LPP: variants seen among roughly 807,000 people sequenced by gnomAD.
The protein encoded by LPP is lipoma-preferred partner.
A neutral mutation model predicts 60.4 loss-of-function variants in LPP; 38 were observed. The observed-to-expected ratio is 0.63, with a 90% CI of 0.49 to 0.83. The LOEUF (loss-of-function observed/expected upper bound fraction) is 0.83. LPP is among the 40% of genes least tolerant of loss of function. LPP has a pLI of 0.00. For synonymous variants in LPP, 328 were observed against 290.8 expected (o/e 1.13, Z -1.30); for missense variants, 902 against 783.6 (o/e 1.15, Z -1.80).
chr3:188,526,623 T>C (rs1324782763), intron 6 of LPP, among the ~76,000 whole-genome samples: 1 of 152,202 alleles, frequency 6.6e-6, no homozygotes, highest in East Asian at 1.9e-4. Flanking sequence ...CCTGTACCTT[T>C]TCTTAACATA....
At chr3:188,702,803 C>T (rs188961214) in intron 7 of LPP, among the ~76,000 whole-genome samples, 28 of 152,278 alleles carry the variant, frequency 1.8e-4, no homozygotes, top group Non-Finnish European at 3.4e-4. Flanking sequence ...AGCAAACCTC[C>T]ACTCTGATAA....
chr3:188,723,956 A>T (rs559624015), intron 8 of LPP, among the ~76,000 whole-genome samples: 44 of 152,272 alleles, frequency 2.9e-4, no homozygotes, highest in South Asian at 8.3e-4. Flanking sequence ...TGAGAAGAGG[A>T]GATAGAGCTG....
At chr3:188,375,079 C>A (rs957614374) in intron 3 of LPP, among the ~76,000 whole-genome samples, 8 of 152,126 alleles carry the variant, frequency 5.3e-5, no homozygotes, top group Non-Finnish European at 1.2e-4. Flanking sequence ...GGTGGATAAG[C>A]TTCTTGACGT....
intron 9 of LPP, among the ~76,000 whole-genome samples, chr3:188,857,070 A>T (rs956274467): frequency 6.6e-6 from 1 of 152,192 alleles, no homozygotes; most frequent in African/African-American, 2.4e-5. Flanking sequence ...AGCACTGCAT[A>T]GAAACCATGC....
At chr3:188,558,705 T>C (rs1243344850) in intron 6 of LPP, among the ~76,000 whole-genome samples, 1 of 152,084 alleles carries the variant, frequency 6.6e-6, no homozygotes, top group African/African-American at 2.4e-5. Context: ...AGCATTACCA[T>C]GACTGACAGA....
chr3:188,328,661 G>T (rs1189023639), intron 2 of LPP, among the ~76,000 whole-genome samples: 1 of 152,168 alleles, frequency 6.6e-6, no homozygotes, highest in African/African-American at 2.4e-5. Context: ...TTGGTTAGCA[G>T]CTGTCAATTT....
intron 2 of LPP, among the ~76,000 whole-genome samples, chr3:188,321,868 G>C (rs1757056446): frequency 6.6e-6 from 1 of 152,204 alleles, no homozygotes; most frequent in Non-Finnish European, 1.5e-5. Context: ...ATGGTTGGAA[G>C]AGTGAAATAC....
intron 5 of LPP, among the ~76,000 whole-genome samples, chr3:188,496,931 T>G (rs1192820462): frequency 6.6e-6 from 1 of 152,096 alleles, no homozygotes. Flanking sequence ...TGAAATTTAG[T>G]AAAGATGTCA....
At chr3:188,856,938 A>G (rs1213177513) in intron 9 of LPP, among the ~76,000 whole-genome samples, 1 of 152,118 alleles carries the variant, frequency 6.6e-6, no homozygotes, top group Non-Finnish European at 1.5e-5. Flanking sequence ...CAGCTTAACA[A>G]TTTTTCATTG....
At position 188,572,290 on chromosome 3, in the gene LPP, C is replaced by T. The variant is rs921900006; in HGVS notation, c.430-36871C>T. Among the ~76,000 whole-genome samples, 3 of 151,772 alleles carry T rather than the reference C, an allele frequency of 2.0e-5. No homozygotes were observed. Among genetic ancestry groups the T allele is most frequent in the African/African-American group, 7.3e-5 (3 of 41,328 alleles). ...GTAATATATATTCTAACGACAAAGC[C>T]CTATGTTATAATTTAAATGGTAGTA... On this transcript the variant is annotated intron_variant, in intron 6 of 11. Coordinates refer to ENST00000617246, the MANE Select transcript of LPP (RefSeq NM_001375462.1). The surrounding 1 kb of genome is among the most constrained non-coding windows in gnomAD (Gnocchi z 4.1).
intron 2 of LPP, among the ~76,000 whole-genome samples, chr3:188,274,458 G>C (rs903628902): frequency 2.0e-5 from 3 of 152,136 alleles, no homozygotes; most frequent in African/African-American, 4.8e-5. Flanking sequence ...CCCAGTGCCA[G>C]GTAGCTCTGG....
At chr3:188,808,642 C>T (rs1029393448) in intron 9 of LPP, among the ~76,000 whole-genome samples, 1 of 152,106 alleles carries the variant, frequency 6.6e-6, no homozygotes, top group Non-Finnish European at 1.5e-5. Flanking sequence ...ACAACAGATA[C>T]TTTATCAGTA....
chr3:188,314,805 G>C (rs1578047923), intron 2 of LPP, among the ~76,000 whole-genome samples: 1 of 152,152 alleles, frequency 6.6e-6, no homozygotes, highest in East Asian at 1.9e-4. Context: ...GCGACAGAGA[G>C]AGACTCCATC....
At chr3:188,510,727 T>G (rs555001189) in intron 5 of LPP, among the ~76,000 whole-genome samples, 1 of 152,334 alleles carries the variant, frequency 6.6e-6, no homozygotes, top group East Asian at 1.9e-4. Context: ...TAAAGAACAC[T>G]CGTGTTTGCC....
At chr3:188,444,800 C>A (rs1338976786) in intron 4 of LPP, among the ~76,000 whole-genome samples, 4 of 152,068 alleles carry the variant, frequency 2.6e-5, no homozygotes, top group Non-Finnish European at 5.9e-5. Context: ...AAAAAACAAA[C>A]AACTCCATCA....
chr3:188,353,693 C>T (rs1766637275), intron 3 of LPP, among the ~76,000 whole-genome samples: 1 of 152,148 alleles, frequency 6.6e-6, no homozygotes, highest in Non-Finnish European at 1.5e-5. Context: ...TAATCTGCCT[C>T]CTTATGAGTT....
intron 2 of LPP, among the ~76,000 whole-genome samples, chr3:188,311,791 G>A (rs1753545403): frequency 6.6e-6 from 1 of 151,844 alleles, no homozygotes; most frequent in Admixed American, 6.6e-5. Context: ...GGCACCCGCT[G>A]CTATGCCCGG....
chr3:188,306,142 G>A lies in LPP; in HGVS notation c.-66-35521G>A, dbSNP rs572112807. 3.3e-5 allele frequency among the ~76,000 whole-genome samples: 5 copies of A among 152,136 alleles called. No individual in the cohort carries two copies. The Middle Eastern group carries it at 0.01, about 310-fold the overall frequency. On this transcript the variant is annotated intron_variant, in intron 2 of 11. Transcript: ENST00000617246. ...TTCACCTAGGTTGGAGTGCAGTGGC[G>A]TGATCTCGGTTTACTGCAACCTGTG...
At chr3:188,866,759 GATCAAACC>G (rs571876483) in intron 10 of LPP, among the ~76,000 whole-genome samples, 1 of 152,216 alleles carries the variant, frequency 6.6e-6, no homozygotes, top group African/African-American at 2.4e-5. Context: ...TTGGTCTTTA[GATCAAACC>G]CTCTCTAAAG....
Sources: gnomAD v4.1 joint callset for allele counts (sites outside exome capture counted in the v4.1 genomes callset) on GRCh38, gnomAD v4.1.1 for gene constraint, Gnocchi (gnomAD v3.1) non-coding constraint, MANE v1.5 for transcripts, NCBI Gene and HGNC (gene_info 2026-07-23, HGNC 2026-07-21) for gene names.